GRIA1: variants seen among roughly 807,000 people sequenced by gnomAD.
The protein encoded by GRIA1 is glutamate receptor 1.
A neutral mutation model predicts 99.2 loss-of-function variants in GRIA1; 31 were observed. The ratio of observed to expected loss-of-function variants is 0.31; its 90% CI spans 0.23 to 0.42. The LOEUF (loss-of-function observed/expected upper bound fraction) is 0.42, where lower values mean the gene tolerates loss of function less well. Among genes scored for constraint, GRIA1 ranks in the 10% least tolerant of loss-of-function variants. GRIA1 has a pLI of 1.00. For synonymous variants in GRIA1, 438 were observed against 432.4 expected (o/e 1.01, Z -0.16); for missense variants, 782 against 1,157.5 (o/e 0.68, Z 4.71).
In GRIA1 at chr5:153,705,964, C is replaced by T. The variant is rs763355837; in HGVS notation, c.1720C>T (p.Arg574Trp). 37 of 1,613,808 alleles carry T rather than the reference C, an allele frequency of 2.3e-5. No individual in the cohort carries two copies. The highest frequency in any genetic ancestry group is 1.0e-4 in the Admixed American group (6 of 59,962). Residue 574 changes from arginine (R) to tryptophan (W), a missense_variant, in exon 11 of 16, where the codon CGG becomes TGG. This residue lies in a region of GRIA1 where 39 missense variants were observed against 43.5 expected (regional missense o/e 0.90). Coordinates refer to ENST00000285900, the MANE Select transcript of GRIA1 (RefSeq NM_000827.4). ...GCACAGTGAAGAGTTTGAGGAAGGA[C>T]GGGACCAGACAACCAGTGACCAGTC... Reference protein sequence around the residue: ...EWHSEEFEEGRDQTTSDQSNE... With the variant: ...EWHSEEFEEGWDQTTSDQSNE...
chr5:153,706,204 A>G, intron 11 of GRIA1, 137 bp downstream of exon 11: 1 of 828,530 alleles, frequency 1.2e-6, no homozygotes, highest in Non-Finnish European at 1.9e-6. Context: ...ACTATTCTTT[A>G]CAATCAACTG....
rs148967971 is a variant in GRIA1 at position 153,745,856 on chromosome 5, A to ACTT, written c.1824-18576_1824-18574dup. Among the ~76,000 whole-genome samples, 927 of 151,976 alleles carry ACTT rather than the reference A, an allele frequency of 6.1e-3. 9 individuals carry two copies. The highest frequency in any genetic ancestry group is 0.021 in the African/African-American group (881 of 41,490). On this transcript the variant is annotated intron_variant, in intron 11 of 15. Coordinates refer to ENST00000285900, the MANE Select transcript of GRIA1 (RefSeq NM_000827.4). ...TCTGTTTTACAATCTGATTTTTTTCACTTCACCTCTTATGGTCCATTTTTC... is the reference window on the plus strand; with the variant it reads ...TCTGTTTTACAATCTGATTTTTTTCACTTCTTCACCTCTTATGGTCCATTTTTC...
intron 5 of GRIA1, among the ~76,000 whole-genome samples, chr5:153,672,514 G>T (rs186738878): frequency 6.6e-6 from 1 of 151,928 alleles, no homozygotes; most frequent in Non-Finnish European, 1.5e-5. Flanking sequence ...ACATTTCCAG[G>T]CAGAGAGAAT....
At chr5:153,496,122 G>T (rs1283088677) in intron 2 of GRIA1, among the ~76,000 whole-genome samples, 2 of 152,212 alleles carry the variant, frequency 1.3e-5, no homozygotes, top group Non-Finnish European at 2.9e-5. Flanking sequence ...ACAAAAATAG[G>T]AGAAAAGGTT....
At chr5:153,678,728 T>G (rs1288032705) in intron 7 of GRIA1, among the ~76,000 whole-genome samples, 1 of 152,202 alleles carries the variant, frequency 6.6e-6, no homozygotes, top group Non-Finnish European at 1.5e-5. Context: ...AATGACGTCC[T>G]GAAAGGATAG....
intron 8 of GRIA1, among the ~76,000 whole-genome samples, chr5:153,695,198 G>A (rs562100035): frequency 4.6e-5 from 7 of 152,232 alleles, no homozygotes; most frequent in Non-Finnish European, 7.4e-5. Context: ...GTAAAGCAGA[G>A]AAAATAATCC....
intron 13 of GRIA1, among the ~76,000 whole-genome samples, chr5:153,793,442 C>T (rs778892207): frequency 3.3e-5 from 5 of 152,158 alleles, no homozygotes; most frequent in Non-Finnish European, 7.3e-5. Context: ...AAGGTGATAC[C>T]ATCATCAGAG....
At chr5:153,687,728 A>G (rs1256642912) in intron 8 of GRIA1, among the ~76,000 whole-genome samples, 1 of 151,648 alleles carries the variant, frequency 6.6e-6, no homozygotes. Flanking sequence ...CTCTTTGTCC[A>G]CTCTCCGTCC....
At chr5:153,605,373 A>G (rs1389662797) in intron 2 of GRIA1, among the ~76,000 whole-genome samples, 3 of 152,204 alleles carry the variant, frequency 2.0e-5, no homozygotes, top group African/African-American at 7.2e-5. Flanking sequence ...ATTCTATTGT[A>G]TGAGTATGCC....
chr5:153,531,097 G>C (rs758250428), intron 2 of GRIA1, among the ~76,000 whole-genome samples: 2 of 152,218 alleles, frequency 1.3e-5, no homozygotes, highest in African/African-American at 4.8e-5. Context: ...GATGAGAATG[G>C]TAAGTGAGAG....
Position 153,770,172 on chromosome 5 carries a change from C to A in GRIA1, c.2027C>A (p.Ser676Tyr). The change falls in exon 13 of 16, where the codon TCT (serine) becomes TAT (tyrosine). Residue 676 changes from serine to tyrosine, a missense_variant. Around this residue, in one of 5 missense-constraint regions of GRIA1, gnomAD observed 119 missense variants for 326.6 expected, o/e 0.36. Coordinates refer to ENST00000285900, the MANE Select transcript of GRIA1 (RefSeq NM_000827.4). ...AGSTKEFFRRSKIAVFEKMWT... is the reference protein window; with the variant it reads ...AGSTKEFFRRYKIAVFEKMWT... Reference sequence around the variant, plus strand: ...CTTTGTTTCTGTCCCTACCAGAGGTCTAAAATTGCTGTGTTTGAGAAGATG... The same window carrying A: ...CTTTGTTTCTGTCCCTACCAGAGGTATAAAATTGCTGTGTTTGAGAAGATG... 1 of 1,613,820 alleles carries A rather than the reference C, an allele frequency of 6.2e-7. No individual in the cohort carries two copies. The highest frequency in any genetic ancestry group is 8.5e-7 in the Non-Finnish European group (1 of 1,179,782).
intron 13 of GRIA1, among the ~76,000 whole-genome samples, chr5:153,789,253 G>A (rs1389245515): frequency 1.3e-5 from 2 of 151,602 alleles, no homozygotes; most frequent in Non-Finnish European, 2.9e-5. Flanking sequence ...AAAGGAGATG[G>A]AACAAGTTCA....
intron 5 of GRIA1, among the ~76,000 whole-genome samples, chr5:153,671,785 G>A (rs1266732494): frequency 6.6e-6 from 1 of 152,188 alleles, no homozygotes; most frequent in Admixed American, 6.5e-5. Flanking sequence ...CTAGGAGCAG[G>A]TTCTAGGACA....
chr5:153,638,263 T>C (rs1186345861), intron 2 of GRIA1, among the ~76,000 whole-genome samples: 2 of 152,234 alleles, frequency 1.3e-5, no homozygotes, highest in African/African-American at 2.4e-5. Flanking sequence ...GTCTAGCCCA[T>C]AGAGGAAAGA....
chr5:153,786,989 G>A (rs143040136), intron 13 of GRIA1, among the ~76,000 whole-genome samples: 109 of 152,290 alleles, frequency 7.2e-4, no homozygotes, highest in East Asian at 6.4e-3. Context: ...CTCCTCAGAC[G>A]CTGAAACTCA....
rs114879563 is a variant in GRIA1 at position 153,670,087 on chromosome 5, C to T, written c.700-4413C>T. Reference sequence around the variant, plus strand: ...AAAAGTGCCTCAAGGTATTCTGATACGTCCCTCAGAACCACTTTCTGAGAG... The same window carrying T: ...AAAAGTGCCTCAAGGTATTCTGATATGTCCCTCAGAACCACTTTCTGAGAG... On this transcript the variant is annotated intron_variant, in intron 5 of 15. Transcript: ENST00000285900. Among the ~76,000 whole-genome samples, 571 of 152,292 alleles carry T rather than the reference C, an allele frequency of 3.7e-3. 4 individuals carry two copies. Among genetic ancestry groups the T allele is most frequent in the African/African-American group, 0.013 (547 of 41,562 alleles).
At chr5:153,702,142 A>G (rs1348400356) in intron 10 of GRIA1, among the ~76,000 whole-genome samples, 1 of 152,250 alleles carries the variant, frequency 6.6e-6, no homozygotes, top group Non-Finnish European at 1.5e-5. Context: ...CTGCCTCTGT[A>G]GAAATCCCAC....
chr5:153,532,495 G>C (rs186924290), intron 2 of GRIA1, among the ~76,000 whole-genome samples: 1 of 152,300 alleles, frequency 6.6e-6, no homozygotes, highest in Non-Finnish European at 1.5e-5. Flanking sequence ...TGAATGCTAA[G>C]TTCTGTCTAT....
rs137933108 is a variant in GRIA1 at position 153,718,854 on chromosome 5, G to A, written c.1823+12787G>A. ...CCAGAGGCTATTTCCAGCAGGAGGA[G>A]GAAGGCTGCCAGATGCAGTGTTATG... On this transcript the variant is annotated intron_variant, in intron 11 of 15. Coordinates refer to ENST00000285900, the MANE Select transcript of GRIA1 (RefSeq NM_000827.4). Among the ~76,000 whole-genome samples the A allele has an allele frequency of 2.6e-5, 4 of 152,196 alleles. No individual in the cohort carries two copies. In the East Asian group the frequency reaches 7.7e-4, roughly 29 times the overall value.
Sources: allele counts gnomAD v4.1 joint callset (sites outside exome capture counted in the v4.1 genomes callset), GRCh38; gene constraint gnomAD v4.1.1; regional missense constraint gnomAD v4.1.1; transcripts MANE v1.5; gene names NCBI Gene and HGNC (gene_info 2026-07-23, HGNC 2026-07-21).